Variants in PLPP1 observed in about 807,000 individuals in gnomAD.
The protein encoded by PLPP1 is lipid phosphate phosphohydrolase 1a.
Under a neutral mutation model 31.2 loss-of-function variants are expected in PLPP1, and 24 were observed. The ratio of observed to expected loss-of-function variants is 0.77; its 90% CI spans 0.56 to 1.08. The LOEUF is 1.08. PLPP1 is among the 50% of genes least tolerant of loss of function. PLPP1 has a pLI of 0.00. For synonymous variants in PLPP1, 146 were observed against 126.3 expected, an observed-to-expected ratio of 1.16 and a Z score of -1.05; for missense variants, 319 against 342.7, an observed-to-expected ratio of 0.93 and a Z score of 0.55.
In PLPP1 at chr5:55,425,170, A is replaced by AAAC; in HGVS notation, c.*33_*35dup. ...CTTGTGGCAATCATTTTCCTTTAGA[A>AAAC]AACAGGCCAGCTTCACCTGGGCACC... is the stretch of plus-strand genomic sequence containing the variant. On this transcript the variant is annotated 3_prime_UTR_variant, in exon 6 of 6. Coordinates refer to ENST00000307259, the MANE Select transcript of PLPP1 (RefSeq NM_003711.4). The AAAC allele has an allele frequency of 1.3e-6, 2 of 1,592,684 alleles. No individual in the cohort carries two copies. The highest frequency in any genetic ancestry group is 1.7e-6 in the Non-Finnish European group (2 of 1,173,526).
intron 4 of PLPP1, among the ~76,000 whole-genome samples, chr5:55,429,344 A>G (rs533588427): frequency 6.6e-6 from 1 of 152,154 alleles, no homozygotes; most frequent in East Asian, 1.9e-4. Flanking sequence ...TAGATCACCT[A>G]AGAGAGAATG....
chr5:55,425,802 C>A, intron 5 of PLPP1, 61 bp downstream of exon 5: 2 of 1,346,744 alleles, frequency 1.5e-6, no homozygotes, highest in Non-Finnish European at 1.9e-6. Flanking sequence ...TTTTTTTTTT[C>A]TATTTACTTA....
Position 55,514,509 on chromosome 5 carries a change from T to C in PLPP1, c.58+20063A>G, listed in dbSNP as rs561672648. On this transcript the variant is annotated intron_variant, in intron 1 of 5. Coordinates refer to ENST00000307259, the MANE Select transcript of PLPP1 (RefSeq NM_003711.4). The stretch of plus-strand genomic sequence containing the variant: ...TAAATCTTAAAAGTATTTATGTGGG[T>C]CCATCACATCTAGTTTGAAGTTATG... 2.0e-5 allele frequency among the ~76,000 whole-genome samples: 3 copies of C among 152,284 alleles called. No individual in the cohort carries two copies. In the South Asian group the frequency reaches 6.2e-4, roughly 32 times the overall value.
chr5:55,515,625 T>C (rs1259550753), intron 1 of PLPP1, among the ~76,000 whole-genome samples: 1 of 152,132 alleles, frequency 6.6e-6, no homozygotes, highest in Non-Finnish European at 1.5e-5. Context: ...ATGGACACTC[T>C]CCAGTCTTTA....
At chr5:55,479,255 G>A (rs1752622738) in intron 1 of PLPP1, among the ~76,000 whole-genome samples, 1 of 152,152 alleles carries the variant, frequency 6.6e-6, no homozygotes, top group Admixed American at 6.5e-5. Context: ...TCAAACCCCT[G>A]ACCTCAGGTG....
chr5:55,467,750 C>A, intron 3 of PLPP1, 119 bp downstream of exon 3: 1 of 1,100,052 alleles, frequency 9.1e-7, no homozygotes, highest in South Asian at 1.7e-5. Flanking sequence ...GATCAAAATT[C>A]ACCTCCCAGT....
chr5:55,429,809 C>G (rs541027923), intron 4 of PLPP1, among the ~76,000 whole-genome samples: 1 of 152,196 alleles, frequency 6.6e-6, no homozygotes, highest in African/African-American at 2.4e-5. Context: ...TGTGCATTGT[C>G]AAGCCTGATT....
chr5:55,436,449 T>C (rs1445760744), intron 4 of PLPP1, among the ~76,000 whole-genome samples: 5 of 152,238 alleles, frequency 3.3e-5, no homozygotes, highest in African/African-American at 1.2e-4. Context: ...TGTAACTTGC[T>C]CCTTCTTGCC....
chr5:55,465,045 TG>T (rs1404412915), intron 3 of PLPP1, among the ~76,000 whole-genome samples: 5 of 74,322 alleles, frequency 6.7e-5, no homozygotes, highest in East Asian at 3.1e-4. Flanking sequence ...GGGGCGGAGG[TG>T]GTTTTTTTTT....
intron 3 of PLPP1, among the ~76,000 whole-genome samples, chr5:55,454,600 G>C (rs1445039024): frequency 6.6e-6 from 1 of 152,154 alleles, no homozygotes; most frequent in Admixed American, 6.5e-5. Context: ...TTGCCTACAA[G>C]CCTAAATTGT....
At chr5:55,460,522 A>T (rs1331684713) in intron 3 of PLPP1, among the ~76,000 whole-genome samples, 1 of 152,226 alleles carries the variant, frequency 6.6e-6, no homozygotes, top group Non-Finnish European at 1.5e-5. Flanking sequence ...CAATACAAAG[A>T]TAGTATAATG....
intron 1 of PLPP1, among the ~76,000 whole-genome samples, chr5:55,526,073 C>CT (rs200668901): frequency 1.3e-5 from 2 of 150,886 alleles, no homozygotes; most frequent in Admixed American, 6.6e-5. Flanking sequence ...CTGCCAACTT[C>CT]TTTTTTTAAA....
chr5:55,432,607 C>A (rs1308677955), intron 4 of PLPP1, among the ~76,000 whole-genome samples: 2 of 151,928 alleles, frequency 1.3e-5, no homozygotes, highest in African/African-American at 2.4e-5. Flanking sequence ...CTCTGATGAA[C>A]ACAGATGCAA....
At chr5:55,437,499 A>G (rs1751520474) in intron 4 of PLPP1, among the ~76,000 whole-genome samples, 1 of 151,848 alleles carries the variant, frequency 6.6e-6, no homozygotes, top group Middle Eastern at 3.4e-3. Flanking sequence ...TACAAAGCCT[A>G]AATATTTATT....
At chr5:55,501,086 G>A (rs1253773508) in intron 1 of PLPP1, among the ~76,000 whole-genome samples, 2 of 152,172 alleles carry the variant, frequency 1.3e-5, no homozygotes, top group Admixed American at 6.5e-5. Flanking sequence ...AGGCCGAGGC[G>A]GGCGGATCAC....
chr5:55,496,234 TCTC>T (rs1176631550), intron 1 of PLPP1, among the ~76,000 whole-genome samples: 4 of 152,210 alleles, frequency 2.6e-5, no homozygotes, highest in African/African-American at 9.6e-5. Context: ...GGAAGACTCT[TCTC>T]CTTATAAACA....
At chr5:55,431,199 C>T (rs1014355778) in intron 4 of PLPP1, among the ~76,000 whole-genome samples, 11 of 152,290 alleles carry the variant, frequency 7.2e-5, no homozygotes, top group African/African-American at 2.6e-4. Context: ...CACCCAGGCA[C>T]AGGAAGCTTA....
intron 1 of PLPP1, among the ~76,000 whole-genome samples, chr5:55,511,393 C>T (rs1213520247): frequency 1.3e-5 from 2 of 152,068 alleles, no homozygotes; most frequent in East Asian, 3.9e-4. Context: ...AGTGAAATAC[C>T]ATATAACCAT....
At chr5:55,444,743 T>TGTGTGTGTGTGTGTGTGTG (rs368045819) in intron 3 of PLPP1, among the ~76,000 whole-genome samples, 15,759 of 137,166 alleles carry the variant, frequency 0.11, 1,637 homozygotes, top group South Asian at 0.15. Context: ...GGATTCTATT[T>TGTGTGTGTGTGTGTGTGTG]TGTGTGTGTG....
Sources: gnomAD v4.1 joint callset for allele counts (sites outside exome capture counted in the v4.1 genomes callset) on GRCh38, gnomAD v4.1.1 for gene constraint, MANE v1.5 for transcripts, NCBI Gene and HGNC (gene_info 2026-07-23, HGNC 2026-07-21) for gene names.